The following RIN3 variants were observed in gnomAD, a reference collection of about 807,000 sequenced individuals.
The protein encoded by RIN3 is RAB5 interacting protein 3.
Under a neutral mutation model 76.3 loss-of-function variants are expected in RIN3, and 54 were observed. The observed-to-expected ratio is 0.71, with a 90% confidence interval of 0.57 to 0.89. RIN3 has a LOEUF of 0.89. Ranked by LOEUF, RIN3 falls within the 40% of genes least tolerant of loss-of-function variation. The pLI, the probability that RIN3 is intolerant of heterozygous loss-of-function variation, is 0.00. For missense variants in RIN3, 1,256 were observed against 1,322.1 expected, an observed-to-expected ratio of 0.95 and a Z score of 0.78; for synonymous variants, 576 against 564.0, an observed-to-expected ratio of 1.02 and a Z score of -0.30.
chr14:92,661,569 CA>C (rs1331661462), intron 7 of RIN3, among the ~76,000 whole-genome samples: 12 of 152,074 alleles, frequency 7.9e-5, no homozygotes, highest in African/African-American at 2.9e-4. Flanking sequence ...ACTAAAAATA[CA>C]AAAATTAGCC....
chr14:92,659,361 C>T lies in RIN3; in HGVS notation c.2227C>T (p.Leu743=). ...VPEVPMMEKI[L]QKFTSMHKAY... ...GGAGGTGCCCATGATGGAGAAGATC[C>T]TGCAGAAGTTCACCAGCATGCACAA... Residue 743 remains leucine (L), a synonymous_variant, in exon 7 of 10, where the codon CTG becomes TTG. Transcript: ENST00000216487. The T allele has an allele frequency of 6.2e-7, 1 of 1,612,790 alleles. No homozygotes were observed. Among genetic ancestry groups the T allele is most frequent in the Non-Finnish European group, 8.5e-7 (1 of 1,179,264 alleles).
At chr14:92,674,797 G>A (rs1465379370) in intron 7 of RIN3, among the ~76,000 whole-genome samples, 4 of 151,288 alleles carry the variant, frequency 2.6e-5, no homozygotes, top group Non-Finnish European at 5.9e-5. Context: ...GCTGAGGCAG[G>A]AGAATCACTT....
intron 7 of RIN3, among the ~76,000 whole-genome samples, chr14:92,666,297 G>C (rs997299825): frequency 2.6e-5 from 4 of 152,216 alleles, no homozygotes; most frequent in Non-Finnish European, 4.4e-5. Context: ...GGAACAGCGA[G>C]GAAAGGGGTA....
chr14:92,595,147 T>C (rs1566859428), intron 3 of RIN3, among the ~76,000 whole-genome samples: 1 of 152,166 alleles, frequency 6.6e-6, no homozygotes, highest in East Asian at 1.9e-4. Context: ...AGCTCAAATC[T>C]AGTCAAGGAG....
At chr14:92,613,847 A>G (rs9323879) in intron 3 of RIN3, among the ~76,000 whole-genome samples, 112,330 of 152,128 alleles carry the variant, frequency 0.74, 42,309 homozygotes, top group African/African-American at 0.89. Flanking sequence ...GGACATGCAC[A>G]TGTTTCCTGG....
chr14:92,620,305 C>T (rs1252253118), intron 4 of RIN3, among the ~76,000 whole-genome samples: 1 of 152,162 alleles, frequency 6.6e-6, no homozygotes, highest in Non-Finnish European at 1.5e-5. Context: ...AACACATTGC[C>T]ATGAATTAAG....
chr14:92,616,777 A>C (rs994936684), intron 4 of RIN3, among the ~76,000 whole-genome samples: 1 of 152,168 alleles, frequency 6.6e-6, no homozygotes, highest in Non-Finnish European at 1.5e-5. Context: ...TCTATGCGAG[A>C]GGAAATGAAA....
At chr14:92,522,910 C>T (rs1896637266) in intron 1 of RIN3, among the ~76,000 whole-genome samples, 1 of 152,182 alleles carries the variant, frequency 6.6e-6, no homozygotes, top group Non-Finnish European at 1.5e-5. Flanking sequence ...TTTCCTCTCT[C>T]CTGTTGCCTG....
intron 3 of RIN3, among the ~76,000 whole-genome samples, chr14:92,592,944 G>A (rs1424783904): frequency 6.6e-6 from 1 of 151,908 alleles, no homozygotes. Context: ...AAAGTGCTGG[G>A]ATTACAGGCA....
intron 3 of RIN3, among the ~76,000 whole-genome samples, chr14:92,579,473 G>A (rs940306007): frequency 1.3e-4 from 20 of 152,186 alleles, no homozygotes; most frequent in East Asian, 9.6e-4. Context: ...TCATTTCCTC[G>A]TCATAATTTT....
At chr14:92,537,416 T>C (rs929268848) in intron 1 of RIN3, among the ~76,000 whole-genome samples, 19 of 152,202 alleles carry the variant, frequency 1.2e-4, no homozygotes, top group African/African-American at 4.6e-4. Flanking sequence ...TTTCCAGTCT[T>C]TTCTCCATTA....
chr14:92,579,254 C>A (rs1489204182), intron 3 of RIN3, among the ~76,000 whole-genome samples: 1 of 152,202 alleles, frequency 6.6e-6, no homozygotes, highest in Non-Finnish European at 1.5e-5. Flanking sequence ...AATCTTGTGG[C>A]TAATTTGTTA....
intron 2 of RIN3, among the ~76,000 whole-genome samples, chr14:92,557,106 T>C (rs1017690155): frequency 6.6e-6 from 1 of 152,224 alleles, no homozygotes; most frequent in African/African-American, 2.4e-5. Flanking sequence ...CTGCACATTT[T>C]CCATGCATAT....
intron 3 of RIN3, among the ~76,000 whole-genome samples, chr14:92,601,871 C>T (rs1407043404): frequency 6.6e-6 from 1 of 152,232 alleles, no homozygotes; most frequent in Non-Finnish European, 1.5e-5. Flanking sequence ...GCATCTGAAC[C>T]TATAAATAGC....
chr14:92,615,411 G>T lies in RIN3; in HGVS notation c.372G>T (p.Leu124Phe). The change falls in exon 4 of 10, where the codon TTG becomes TTT. Residue 124 changes from leucine to phenylalanine, a missense_variant. Physicochemically the swap from Leu to Phe is conservative, Grantham distance 22 (BLOSUM62 0). This residue lies in a region of RIN3 where 610 missense variants were observed against 626.4 expected (regional missense o/e 0.97). Coordinates refer to ENST00000216487, the MANE Select transcript of RIN3 (RefSeq NM_024832.5). ...EYTIKEEKSI[L>F]YLEGSALVFE... Reference sequence around the variant, plus strand: ...GCCCTTCTTGTGTCTCCCCAGTATTGTACCTGGAAGGCTCGGCTCTTGTGT... The same window carrying T: ...GCCCTTCTTGTGTCTCCCCAGTATTTTACCTGGAAGGCTCGGCTCTTGTGT... The T allele has an allele frequency of 1.9e-6, 3 of 1,613,956 alleles. No individual in the cohort carries two copies. The highest frequency in any genetic ancestry group is 2.5e-6 in the Non-Finnish European group (3 of 1,179,928).
At chr14:92,615,344 CCTT>C in intron 3 of RIN3, 60 bp from the exon 4 acceptor site, 1 of 1,426,832 alleles carries the variant, frequency 7.0e-7, no homozygotes, top group African/African-American at 1.4e-5. Context: ...CTTGCCACCT[CCTT>C]CCCCCATTTT....
At chr14:92,584,853 G>T (rs1317271064) in intron 3 of RIN3, among the ~76,000 whole-genome samples, 2 of 152,122 alleles carry the variant, frequency 1.3e-5, no homozygotes, top group African/African-American at 4.8e-5. Flanking sequence ...TAAAAAGAAG[G>T]CCACTTGGCC....
chr14:92,631,602 TGGC>T (rs1290331517), intron 4 of RIN3, among the ~76,000 whole-genome samples: 1 of 151,912 alleles, frequency 6.6e-6, no homozygotes, highest in African/African-American at 2.4e-5. Context: ...CATTTTTTTT[TGGC>T]GGCGGCGGGA....
At chr14:92,570,197 G>A (rs1898025217) in intron 2 of RIN3, among the ~76,000 whole-genome samples, 1 of 152,038 alleles carries the variant, frequency 6.6e-6, no homozygotes, top group Non-Finnish European at 1.5e-5. Flanking sequence ...CTCCCACCCT[G>A]GCTCAGGGCC....
Sources: allele counts gnomAD v4.1 joint callset (sites outside exome capture counted in the v4.1 genomes callset), GRCh38; gene constraint gnomAD v4.1.1; regional missense constraint gnomAD v4.1.1; transcripts MANE v1.5; gene names NCBI Gene and HGNC (gene_info 2026-07-23, HGNC 2026-07-21).